Variants in ZNF407 observed in about 807,000 individuals in gnomAD.
The protein encoded by ZNF407 is zinc finger protein 407.
ZNF407 carries 17 observed loss-of-function variants against 131.2 expected under a neutral mutation model. The ratio of observed to expected loss-of-function variants is 0.13; its 90% CI spans 0.09 to 0.19. The LOEUF (loss-of-function observed/expected upper bound fraction) is 0.19, where lower values mean the gene tolerates loss of function less well. ZNF407 is among the 10% of genes least tolerant of loss of function. The pLI, the probability that ZNF407 is intolerant of heterozygous loss-of-function variation, is 1.00. For missense variants in ZNF407, 2,681 were observed against 2,830.6 expected (o/e 0.95, Z 1.20); for synonymous variants, 1,156 against 1,062.0 (o/e 1.09, Z -1.72).
At chr18:74,768,194 T>G (rs1177936732) in intron 3 of ZNF407, among the ~76,000 whole-genome samples, 2 of 152,134 alleles carry the variant, frequency 1.3e-5, no homozygotes, top group Non-Finnish European at 2.9e-5. Context: ...GTTGGACAGG[T>G]TGGCACATCT....
Position 74,635,438 on chromosome 18 carries a change from G to A in ZNF407, c.4419G>A (p.Gln1473=). ...GTGCCGGCCACATGAGAAATGAGCA[G>A]GCCAGTGTGGAGGAGCTTCCGGAGG... The part of the protein sequence containing the change: ...LASAGHMRNE[Q]ASVEELPEGG... The change falls in exon 2 of 9, where the codon CAG becomes CAA. Residue 1473 remains glutamine, a synonymous_variant. Transcript: ENST00000299687. The surrounding 1 kb of genome is among the most constrained non-coding windows in gnomAD (Gnocchi z 4.7). The A allele has an allele frequency of 1.2e-6, 2 of 1,613,642 alleles. No homozygotes were observed. The highest frequency in any genetic ancestry group is 8.5e-7 in the Non-Finnish European group (1 of 1,179,716).
chr18:74,708,426 C>A (rs1967677880), intron 3 of ZNF407, among the ~76,000 whole-genome samples: 1 of 152,176 alleles, frequency 6.6e-6, no homozygotes, highest in Non-Finnish European at 1.5e-5. Context: ...CTTCATAGTT[C>A]CTTGTATCCT....
At chr18:74,809,367 A>G (rs1382353399) in intron 4 of ZNF407, among the ~76,000 whole-genome samples, 1 of 152,222 alleles carries the variant, frequency 6.6e-6, no homozygotes, top group Non-Finnish European at 1.5e-5. Flanking sequence ...AATTTGGGCC[A>G]AGTGCCCTAT....
intron 3 of ZNF407, among the ~76,000 whole-genome samples, chr18:74,763,057 T>C (rs1181780050): frequency 6.6e-6 from 1 of 152,112 alleles, no homozygotes; most frequent in African/African-American, 2.4e-5. Flanking sequence ...GTTTTAACTT[T>C]CCTATTTTTC....
chr18:74,962,278 C>T (rs1972354582), intron 8 of ZNF407, among the ~76,000 whole-genome samples: 1 of 152,178 alleles, frequency 6.6e-6, no homozygotes, highest in Non-Finnish European at 1.5e-5. Flanking sequence ...TGTATTTACT[C>T]AGGGACACAA....
At chr18:74,640,795 G>A (rs1243239387) in intron 2 of ZNF407, among the ~76,000 whole-genome samples, 1 of 152,062 alleles carries the variant, frequency 6.6e-6, no homozygotes, top group East Asian at 1.9e-4. Context: ...GATTGTTAGT[G>A]GAAGTTAGGA....
chr18:74,676,636 G>T (rs12455197), intron 3 of ZNF407, among the ~76,000 whole-genome samples: 62,057 of 151,606 alleles, frequency 0.41, 14,092 homozygotes, highest in East Asian at 0.6. Context: ...GGGTTTCACC[G>T]TGTTAGCCAG....
At chr18:74,999,467 G>A (rs1474380850) in intron 8 of ZNF407, among the ~76,000 whole-genome samples, 1 of 151,152 alleles carries the variant, frequency 6.6e-6, no homozygotes, top group Non-Finnish European at 1.5e-5. Flanking sequence ...TTAACCCTTT[G>A]GACATCTTTT....
At chr18:75,027,567 G>A (rs1044794904) in intron 8 of ZNF407, among the ~76,000 whole-genome samples, 3 of 152,168 alleles carry the variant, frequency 2.0e-5, no homozygotes, top group Admixed American at 6.5e-5. Flanking sequence ...GGTAGGGAGG[G>A]AGCATTGGTC....
chr18:74,762,502 A>G (rs530855151), intron 3 of ZNF407, among the ~76,000 whole-genome samples: 1 of 152,252 alleles, frequency 6.6e-6, no homozygotes, highest in Admixed American at 6.5e-5. Context: ...TGTATTCTCC[A>G]TGAAACCTTT....
In ZNF407 at chr18:74,864,530, CTT is replaced by C. The variant is rs147087990; in HGVS notation, c.4878-12666_4878-12665del. Among the ~76,000 whole-genome samples, 12 of 152,280 alleles carry C rather than the reference CTT, an allele frequency of 7.9e-5. No homozygotes were observed. The East Asian group carries it at 2.3e-3, about 29-fold the overall frequency. Reference sequence around the variant, plus strand: ...GAACATAACTTATCAGAACACTTCTCTTCACATCCTGAGCCTTTGATAAAATT... The same window carrying C: ...GAACATAACTTATCAGAACACTTCTCCACATCCTGAGCCTTTGATAAAATT... On this transcript the variant is annotated intron_variant, in intron 4 of 8. Coordinates refer to ENST00000299687, the MANE Select transcript of ZNF407 (RefSeq NM_017757.3).
intron 3 of ZNF407, among the ~76,000 whole-genome samples, chr18:74,643,835 G>T (rs1984836899): frequency 6.6e-6 from 1 of 151,920 alleles, no homozygotes; most frequent in African/African-American, 2.4e-5. Context: ...TTAAAGTTTT[G>T]TATAAGTTGT....
chr18:74,633,308 G>C lies in ZNF407; in HGVS notation c.2289G>C (p.Lys763Asn). The change falls in exon 2 of 9, where the codon AAG becomes AAC. Residue 763 changes from lysine to asparagine, a missense_variant. Lys to Asn is a moderately conservative substitution (Grantham distance 94). Around this residue, in one of 6 missense-constraint regions of ZNF407, gnomAD observed 1,789 missense variants for 1,748.7 expected, o/e 1.02. Transcript: ENST00000299687. ...GAAGCAAGCATCTTGAAAATGCTAA[G>C]AAAAATAATATTGGCTTAAGCTTTG... is the stretch of plus-strand genomic sequence containing the variant. Reference protein sequence around the residue: ...IKRSKHLENAKKNNIGLSFEE... With the variant: ...IKRSKHLENANKNNIGLSFEE... The C allele has an allele frequency of 6.2e-7, 1 of 1,612,558 alleles. No individual in the cohort carries two copies. The highest frequency in any genetic ancestry group is 8.5e-7 in the Non-Finnish European group (1 of 1,179,556).
intron 8 of ZNF407, among the ~76,000 whole-genome samples, chr18:75,055,489 C>A (rs1973551376): frequency 6.6e-6 from 1 of 152,210 alleles, no homozygotes; most frequent in African/African-American, 2.4e-5. Context: ...TGCATCACCT[C>A]TATTACTGTT....
chr18:74,603,091 T>C (rs1347887486), intron 1 of ZNF407, among the ~76,000 whole-genome samples: 1 of 152,184 alleles, frequency 6.6e-6, no homozygotes, highest in Non-Finnish European at 1.5e-5. Flanking sequence ...GCTGAGGTAA[T>C]ACTTGAAGAG....
intron 4 of ZNF407, among the ~76,000 whole-genome samples, chr18:74,847,896 C>T (rs928768561): frequency 1.3e-5 from 2 of 149,972 alleles, no homozygotes; most frequent in African/African-American, 4.9e-5. Context: ...TTTCATCCTT[C>T]TCTCACGTTG....
In ZNF407 at chr18:74,877,221, T is replaced by G; in HGVS notation, c.4902T>G (p.Asp1634Glu). Residue 1634 changes from aspartate to glutamate, a missense_variant, in exon 5 of 9, where the codon GAT becomes GAG. This residue lies in a region of ZNF407 where 213 missense variants were observed against 332.2 expected (regional missense o/e 0.64). Coordinates refer to ENST00000299687, the MANE Select transcript of ZNF407 (RefSeq NM_017757.3). ...KERKFTCHLC[D>E]RSFTEKWALN... is the part of the protein sequence containing the mutation. Reference sequence around the variant, plus strand: ...GGAAATTTACATGCCACTTATGTGATAGAAGTTTCACAGAGAAGTGGGCCC... The same window carrying G: ...GGAAATTTACATGCCACTTATGTGAGAGAAGTTTCACAGAGAAGTGGGCCC... The G allele has an allele frequency of 6.2e-7, 1 of 1,613,992 alleles. No homozygotes were observed. The highest frequency in any genetic ancestry group is 8.5e-7 in the Non-Finnish European group (1 of 1,179,872).
chr18:74,696,731 G>A (rs949511208), intron 3 of ZNF407, among the ~76,000 whole-genome samples: 1 of 152,160 alleles, frequency 6.6e-6, no homozygotes, highest in African/African-American at 2.4e-5. Flanking sequence ...GGGTGCTGAT[G>A]AGAGGCTTTG....
At chr18:74,777,971 A>G (rs899753582) in intron 3 of ZNF407, among the ~76,000 whole-genome samples, 1 of 152,176 alleles carries the variant, frequency 6.6e-6, no homozygotes, top group Admixed American at 6.5e-5. Context: ...AGTCCCAGCT[A>G]CTGGGAAAGC....
Sources: gnomAD v4.1 joint callset for allele counts (sites outside exome capture counted in the v4.1 genomes callset) on GRCh38, gnomAD v4.1.1 for gene constraint, gnomAD v4.1.1 regional missense constraint, Gnocchi (gnomAD v3.1) non-coding constraint, MANE v1.5 for transcripts, NCBI Gene and HGNC (gene_info 2026-07-23, HGNC 2026-07-21) for gene names.